The following ENOX1 variants were observed in gnomAD, a reference collection of about 807,000 sequenced individuals.
The protein encoded by ENOX1 is ecto-NOX disulfide-thiol exchanger 1, also known as candidate growth-related and time keeping constitutive hydroquinone (NADH) oxidase.
Under a neutral mutation model 82.5 loss-of-function variants are expected in ENOX1, and 42 were observed. The observed-to-expected ratio is 0.51, with a 90% CI of 0.40 to 0.66. ENOX1 has a LOEUF of 0.66. Ranked by LOEUF, ENOX1 falls within the 30% of genes least tolerant of loss-of-function variation. The pLI, the probability that ENOX1 is intolerant of heterozygous loss-of-function variation, is 0.00. For synonymous variants in ENOX1, 271 were observed against 282.2 expected, an observed-to-expected ratio of 0.96 and a Z score of 0.40; for missense variants, 608 against 811.6, an observed-to-expected ratio of 0.75 and a Z score of 3.05.
chr13:43,310,565 T>G (rs1207673132), intron 11 of ENOX1, among the ~76,000 whole-genome samples: 2 of 152,204 alleles, frequency 1.3e-5, no homozygotes, highest in Non-Finnish European at 2.9e-5. Context: ...TAAAGTGCTT[T>G]GTTAACATGA....
chr13:43,393,829 T>C (rs895965721), intron 5 of ENOX1, among the ~76,000 whole-genome samples: 2 of 152,206 alleles, frequency 1.3e-5, no homozygotes, highest in African/African-American at 2.4e-5. Context: ...CGAAATATGA[T>C]CTCCAGTGTT....
chr13:43,292,363 T>C (rs1404267948), intron 12 of ENOX1, among the ~76,000 whole-genome samples: 2 of 152,194 alleles, frequency 1.3e-5, no homozygotes, highest in African/African-American at 4.8e-5. Context: ...AGGAAAAAGA[T>C]GATGGGCATG....
At chr13:43,395,309 G>A (rs2053071685) in intron 5 of ENOX1, among the ~76,000 whole-genome samples, 2 of 152,206 alleles carry the variant, frequency 1.3e-5, no homozygotes, top group Admixed American at 6.5e-5. Flanking sequence ...TTAAGCTCAG[G>A]AGTTCAAGAC....
chr13:43,625,599 A>G (rs554507521), intron 2 of ENOX1, among the ~76,000 whole-genome samples: 1 of 152,024 alleles, frequency 6.6e-6, no homozygotes, highest in Non-Finnish European at 1.5e-5. Flanking sequence ...AATCGATATG[A>G]TCACGTGGCT....
chr13:43,335,040 A>C (rs1321397231), intron 9 of ENOX1, among the ~76,000 whole-genome samples: 1 of 152,184 alleles, frequency 6.6e-6, no homozygotes, highest in African/African-American at 2.4e-5. Flanking sequence ...CCCAAGGCAA[A>C]GGGGGCTAGG....
intron 1 of ENOX1, among the ~76,000 whole-genome samples, chr13:43,778,799 C>A (rs892384014): frequency 6.6e-6 from 1 of 152,156 alleles, no homozygotes; most frequent in Non-Finnish European, 1.5e-5. Context: ...ACAGAGGATT[C>A]CCAGCCCTTT....
intron 3 of ENOX1, among the ~76,000 whole-genome samples, chr13:43,465,028 C>T (rs914684326): frequency 1.3e-5 from 2 of 152,164 alleles, no homozygotes; most frequent in Non-Finnish European, 2.9e-5. Flanking sequence ...CATCACATCA[C>T]ATCAGGGGGC....
chr13:43,381,170 T>C (rs779140518), intron 5 of ENOX1, among the ~76,000 whole-genome samples: 1 of 151,748 alleles, frequency 6.6e-6, no homozygotes, highest in African/African-American at 2.4e-5. Context: ...AACCAAACCT[T>C]AATAAAATTA....
chr13:43,371,291 C>G (rs1268750539), intron 5 of ENOX1, among the ~76,000 whole-genome samples: 3 of 152,148 alleles, frequency 2.0e-5, no homozygotes, highest in African/African-American at 7.2e-5. Flanking sequence ...TAAGAAGTCG[C>G]TAATTTTTAT....
At chr13:43,630,854 T>TACACACAC (rs1345091383) in intron 2 of ENOX1, among the ~76,000 whole-genome samples, 1 of 17,284 alleles carries the variant, frequency 5.8e-5, no homozygotes, top group Non-Finnish European at 3.1e-4. Flanking sequence ...CACATATATA[T>TACACACAC]ATATATACAC....
chr13:43,302,812 C>T (rs1464897683), intron 11 of ENOX1, among the ~76,000 whole-genome samples: 1 of 152,156 alleles, frequency 6.6e-6, no homozygotes, highest in African/African-American at 2.4e-5. Context: ...TGGAGAAAGC[C>T]TTGAAATCTC....
At chr13:43,543,057 G>A (rs974394207) in intron 2 of ENOX1, among the ~76,000 whole-genome samples, 6 of 152,140 alleles carry the variant, frequency 3.9e-5, no homozygotes, top group African/African-American at 1.2e-4. Flanking sequence ...TGAATTTGCA[G>A]GGGACAAACT....
At chr13:43,284,059 G>A (rs2045555795) in intron 12 of ENOX1, among the ~76,000 whole-genome samples, 1 of 152,096 alleles carries the variant, frequency 6.6e-6, no homozygotes, top group African/African-American at 2.4e-5. Flanking sequence ...GACATCTGTT[G>A]AGATTTGCTT....
chr13:43,375,042 C>A (rs985168273), intron 5 of ENOX1, among the ~76,000 whole-genome samples: 2 of 152,218 alleles, frequency 1.3e-5, no homozygotes, highest in African/African-American at 2.4e-5. Flanking sequence ...GTATGATGGA[C>A]GTTTATGTGC....
chr13:43,677,914 C>A (rs1322013627), intron 1 of ENOX1, among the ~76,000 whole-genome samples: 1 of 152,074 alleles, frequency 6.6e-6, no homozygotes, highest in African/African-American at 2.4e-5. Context: ...TTTAAATTGA[C>A]AAACAATAAT....
chr13:43,320,153 C>T (rs1016794438), intron 11 of ENOX1, among the ~76,000 whole-genome samples: 3 of 152,110 alleles, frequency 2.0e-5, no homozygotes, highest in Non-Finnish European at 4.4e-5. Context: ...TCTTCAGGGC[C>T]CCGTGGAATA....
chr13:43,350,809 T>C (rs1382093368), intron 8 of ENOX1, among the ~76,000 whole-genome samples: 1 of 151,996 alleles, frequency 6.6e-6, no homozygotes, highest in African/African-American at 2.4e-5. Context: ...GAACAATAGA[T>C]AGGATAAGAG....
At chr13:43,640,490 G>T (rs1316011840) in intron 2 of ENOX1, among the ~76,000 whole-genome samples, 3 of 152,148 alleles carry the variant, frequency 2.0e-5, no homozygotes. Flanking sequence ...CAACTCACCA[G>T]GTTCTTCTAG....
At chr13:43,248,318 C>T (rs1006356238) in intron 14 of ENOX1, among the ~76,000 whole-genome samples, 11 of 151,900 alleles carry the variant, frequency 7.2e-5, no homozygotes, top group Admixed American at 1.3e-4. Context: ...TTGGTCAGTA[C>T]CCTGGGCCTG....
Sources: gnomAD v4.1 joint callset for allele counts (sites outside exome capture counted in the v4.1 genomes callset) on GRCh38, gnomAD v4.1.1 for gene constraint, MANE v1.5 for transcripts, NCBI Gene and HGNC (gene_info 2026-07-23, HGNC 2026-07-21) for gene names.